ZBTB20: variants seen among roughly 807,000 people sequenced by gnomAD.
The protein encoded by ZBTB20 is zinc finger and BTB domain containing 20.
Under a neutral mutation model 56.9 loss-of-function variants are expected in ZBTB20, and 9 were observed. That is an observed-to-expected ratio of 0.16 (90% CI 0.10 to 0.28). ZBTB20 has a LOEUF of 0.28. Ranked by LOEUF, ZBTB20 falls within the 10% of genes least tolerant of loss-of-function variation. ZBTB20 has a pLI of 1.00. For synonymous variants in ZBTB20, 417 were observed against 420.7 expected (o/e 0.99, Z 0.11); for missense variants, 655 against 1,003.0 (o/e 0.65, Z 4.69).
At chr3:114,423,657 G>A (rs1226975810) in intron 7 of ZBTB20, among the ~76,000 whole-genome samples, 1 of 152,192 alleles carries the variant, frequency 6.6e-6, no homozygotes, top group African/African-American at 2.4e-5. Context: ...ATTGAGTTGA[G>A]TTATAAAATT....
At chr3:114,986,573 C>T (rs1385747845) in intron 2 of ZBTB20, among the ~76,000 whole-genome samples, 1 of 152,090 alleles carries the variant, frequency 6.6e-6, no homozygotes, top group African/African-American at 2.4e-5. Context: ...AGCCATTCAA[C>T]ATTACATTTA....
chr3:115,064,937 C>T (rs991971466), intron 2 of ZBTB20, among the ~76,000 whole-genome samples: 1 of 152,096 alleles, frequency 6.6e-6, no homozygotes, highest in Admixed American at 6.5e-5. Context: ...GAATTGCTTT[C>T]ACATTTTTAT....
intron 10 of ZBTB20, among the ~76,000 whole-genome samples, chr3:114,362,610 T>C (rs2082006506): frequency 6.6e-6 from 1 of 152,204 alleles, no homozygotes; most frequent in African/African-American, 2.4e-5. Context: ...GCAATTGTTT[T>C]ATGTGTTCAC....
At chr3:114,664,593 C>T (rs571915787) in intron 6 of ZBTB20, among the ~76,000 whole-genome samples, 50 of 138,142 alleles carry the variant, frequency 3.6e-4, no homozygotes, top group African/African-American at 1.4e-3. Context: ...CTATTATTTG[C>T]CCACCTCCCC....
chr3:114,471,387 A>T (rs974755118), intron 7 of ZBTB20, among the ~76,000 whole-genome samples: 1 of 152,068 alleles, frequency 6.6e-6, no homozygotes, highest in African/African-American at 2.4e-5. Flanking sequence ...ACTTTGCTAA[A>T]CTCTCTCCCA....
intron 10 of ZBTB20, among the ~76,000 whole-genome samples, chr3:114,355,584 G>A (rs2081167873): frequency 6.6e-6 from 1 of 152,110 alleles, no homozygotes; most frequent in African/African-American, 2.4e-5. Context: ...TAATACAGTG[G>A]GAAAAAGTTT....
At chr3:114,394,507 A>G (rs146855140) in intron 7 of ZBTB20, among the ~76,000 whole-genome samples, 1 of 152,316 alleles carries the variant, frequency 6.6e-6, no homozygotes, top group East Asian at 1.9e-4. Context: ...GAAACTGCCA[A>G]TAAGTATAGT....
At chr3:114,766,222 C>T (rs1274231) in intron 5 of ZBTB20, among the ~76,000 whole-genome samples, 1 of 151,910 alleles carries the variant, frequency 6.6e-6, no homozygotes, top group Admixed American at 6.6e-5. Flanking sequence ...AAGGTAGGGG[C>T]AGAAACAACA....
intron 2 of ZBTB20, among the ~76,000 whole-genome samples, chr3:115,005,584 G>C (rs1406772872): frequency 6.6e-6 from 1 of 151,682 alleles, no homozygotes. Flanking sequence ...ACATCTCTTT[G>C]CATTAATATA....
At chr3:114,393,000 C>T (rs2086016839) in intron 7 of ZBTB20, among the ~76,000 whole-genome samples, 1 of 152,234 alleles carries the variant, frequency 6.6e-6, no homozygotes, top group African/African-American at 2.4e-5. Context: ...ACCTCATCTG[C>T]ATCTCCCAGG....
At chr3:114,561,643 T>C (rs992980527) in intron 6 of ZBTB20, among the ~76,000 whole-genome samples, 1 of 152,108 alleles carries the variant, frequency 6.6e-6, no homozygotes, top group Non-Finnish European at 1.5e-5. Context: ...AATCATGCTA[T>C]AAACAGATAT....
chr3:114,534,477 A>G (rs897976589), intron 6 of ZBTB20, among the ~76,000 whole-genome samples: 1 of 152,202 alleles, frequency 6.6e-6, no homozygotes, highest in East Asian at 1.9e-4. Flanking sequence ...AGGAGCACCC[A>G]GATTCATAAA....
chr3:115,010,700 A>G (rs952964133), intron 2 of ZBTB20, among the ~76,000 whole-genome samples: 2 of 151,970 alleles, frequency 1.3e-5, no homozygotes, highest in Non-Finnish European at 2.9e-5. Context: ...CCAGAAGGTG[A>G]AGACTACAAT....
At chr3:114,551,131 G>T (rs769999957) in intron 6 of ZBTB20, among the ~76,000 whole-genome samples, 2 of 152,210 alleles carry the variant, frequency 1.3e-5, no homozygotes, top group Non-Finnish European at 2.9e-5. Flanking sequence ...AAATTATTTC[G>T]ATTGTCTTTA....
chr3:114,899,526 TA>T (rs531282372), intron 4 of ZBTB20, among the ~76,000 whole-genome samples: 3,536 of 149,390 alleles, frequency 0.024, 50 homozygotes, highest in South Asian at 0.051. Context: ...CAACAGCTAC[TA>T]AAAAAAAAAT....
chr3:114,876,121 GTT>G (rs35016029), intron 4 of ZBTB20, among the ~76,000 whole-genome samples: 43 of 139,494 alleles, frequency 3.1e-4, no homozygotes, highest in Middle Eastern at 3.8e-3. Flanking sequence ...CCTGTAGTTT[GTT>G]TTTTTTTTTT....
chr3:115,063,392 A>ATAG (rs2082081876), intron 2 of ZBTB20, among the ~76,000 whole-genome samples: 1 of 152,164 alleles, frequency 6.6e-6, no homozygotes, highest in Non-Finnish European at 1.5e-5. Flanking sequence ...TGGTTTGCAT[A>ATAG]TAGTAGTCTT....
intron 2 of ZBTB20, among the ~76,000 whole-genome samples, chr3:115,069,495 C>T (rs1560544637): frequency 1.3e-5 from 2 of 152,220 alleles, no homozygotes; most frequent in East Asian, 3.9e-4. Context: ...TGAGACTACA[C>T]ATAGCGCTTT....
chr3:114,805,919 GCAGTAGTC>G (rs1231335597), intron 4 of ZBTB20, among the ~76,000 whole-genome samples: 6 of 151,676 alleles, frequency 4.0e-5, no homozygotes, highest in Non-Finnish European at 8.9e-5. Context: ...GTGGCATGTA[GCAGTAGTC>G]TATTCCCTTT....
Sources: gnomAD v4.1 joint callset for allele counts (sites outside exome capture counted in the v4.1 genomes callset) on GRCh38, gnomAD v4.1.1 for gene constraint, MANE v1.5 for transcripts, NCBI Gene and HGNC (gene_info 2026-07-23, HGNC 2026-07-21) for gene names.